Variants in MOXD1 observed in about 807,000 individuals in gnomAD.
MOXD1 encodes the protein DBH-like monooxygenase protein 1.
A neutral mutation model predicts 66.6 loss-of-function variants in MOXD1; 62 were observed. That is an observed-to-expected ratio of 0.93 (90% CI 0.76 to 1.15). The LOEUF is 1.15. MOXD1 is among the 50% of genes most tolerant of loss of function. The probability of loss-of-function intolerance (pLI) is 0.00; values close to 1 mark genes in which losing one functional copy is unlikely to be tolerated. For synonymous variants in MOXD1, 303 were observed against 281.9 expected (o/e 1.07, Z -0.75); for missense variants, 847 against 754.6 (o/e 1.12, Z -1.44).
chr6:132,395,939 T>C (rs1386791037), intron 1 of MOXD1, among the ~76,000 whole-genome samples: 1 of 152,142 alleles, frequency 6.6e-6, no homozygotes, highest in Non-Finnish European at 1.5e-5. Context: ...TCCAACACAG[T>C]AATAGGAACG....
intron 1 of MOXD1, among the ~76,000 whole-genome samples, chr6:132,393,151 A>AGTGTGT (rs60580838): frequency 2.9e-4 from 43 of 150,692 alleles, no homozygotes; most frequent in South Asian, 6.3e-4. Flanking sequence ...GAGTGGAGTG[A>AGTGTGT]GTGTGTGTGT....
chr6:132,396,012 G>T (rs752431213), intron 1 of MOXD1, among the ~76,000 whole-genome samples: 14 of 152,056 alleles, frequency 9.2e-5, no homozygotes, highest in Non-Finnish European at 1.9e-4. Context: ...AGAAACATTG[G>T]ATTTAAATTA....
At position 132,372,643 on chromosome 6, in the gene MOXD1, T is replaced by C; in HGVS notation, c.628A>G (p.Ile210Val). The part of the protein sequence containing the change: ...DTTYWCQMFK[I>V]PVFQEKHHVI... The stretch of plus-strand genomic sequence containing the variant: ...TGATGCTTTTCTTGGAACACAGGAA[T>C]CTTAAACATTTGGCACCAATATGTT... Residue 210 changes from isoleucine (I) to valine (V), a missense_variant, in exon 4 of 12, where the codon ATT (isoleucine) becomes GTT (valine). Physicochemically the swap from Ile to Val is conservative, Grantham distance 29. Transcript: ENST00000367963. The C allele has an allele frequency of 1.2e-6, 2 of 1,613,912 alleles. No individual in the cohort carries two copies. The highest frequency in any genetic ancestry group is 1.7e-6 in the Non-Finnish European group (2 of 1,179,842).
chr6:132,374,617 C>T lies in MOXD1; in HGVS notation c.411+14G>A. The T allele has an allele frequency of 6.2e-7, 1 of 1,612,912 alleles. No individual in the cohort carries two copies. Among genetic ancestry groups the T allele is most frequent in the Non-Finnish European group, 8.5e-7 (1 of 1,179,748 alleles). ...CAATTTGTTCATGCATGCATTCACTCATAGATGCCTTACCGTTATACTCTT... is the reference window on the plus strand; with the variant it reads ...CAATTTGTTCATGCATGCATTCACTTATAGATGCCTTACCGTTATACTCTT... On this transcript the variant is annotated intron_variant, in intron 2 of 11. Coordinates refer to ENST00000367963, the MANE Select transcript of MOXD1 (RefSeq NM_015529.4).
In MOXD1 at chr6:132,296,459, C is replaced by CT. The variant is rs1472408175; in HGVS notation, c.*693dup. 3 of 152,304 alleles carry CT rather than the reference C, an allele frequency of 2.0e-5. No individual in the cohort carries two copies. Among genetic ancestry groups the CT allele is most frequent in the African/African-American group, 7.2e-5 (3 of 41,564 alleles). 9.4% of individuals were successfully genotyped at this position (152,304 alleles called of 1,614,324 possible). ...TTTCTATGTTTCCCATAGCCTCTTT[C>CT]TTTTCAGATAGTGACAGAGCTCTAG... is the stretch of plus-strand genomic sequence containing the variant. On this transcript the variant is annotated 3_prime_UTR_variant, in exon 12 of 12. Coordinates refer to ENST00000367963, the MANE Select transcript of MOXD1 (RefSeq NM_015529.4).
chr6:132,328,008 C>T lies in MOXD1; in HGVS notation c.946+5G>A. ...ATAGGTAAAACATATGAATAATAAA[C>T]TCACCTTCCTCATAAGTGGGATTAT... On this transcript the variant is annotated splice_donor_5th_base_variant and intron_variant, in intron 6 of 11. Coordinates refer to ENST00000367963, the MANE Select transcript of MOXD1 (RefSeq NM_015529.4). 2 of 1,604,480 alleles carry T rather than the reference C, an allele frequency of 1.2e-6. No individual in the cohort carries two copies. Among genetic ancestry groups the T allele is most frequent in the Non-Finnish European group, 1.7e-6 (2 of 1,172,458 alleles).
At chr6:132,297,414 G>T in intron 11 of MOXD1, 97 bp from the exon 12 acceptor site, 2 of 1,275,002 alleles carry the variant, frequency 1.6e-6, no homozygotes, top group Non-Finnish European at 2.2e-6. Flanking sequence ...AGGGGATAAA[G>T]GGGGCAGGAG....
rs1289065943 is a variant in MOXD1, at chr6:132,322,625, A to G, written c.1305+54T>C. On this transcript the variant is annotated intron_variant, in intron 8 of 11. Coordinates refer to ENST00000367963, the MANE Select transcript of MOXD1 (RefSeq NM_015529.4). ...TAGAAACCTTGCCACATCTCAGCAG[A>G]TATGTCTCATGACTTTCATAACAGT... The G allele has an allele frequency of 7.1e-6, 11 of 1,546,574 alleles. No individual in the cohort carries two copies. In the South Asian group the frequency reaches 8.6e-5, roughly 12 times the overall value.
intron 1 of MOXD1, among the ~76,000 whole-genome samples, chr6:132,375,252 C>T (rs1424122970): frequency 2.0e-5 from 3 of 151,992 alleles, no homozygotes; most frequent in Admixed American, 6.6e-5. Flanking sequence ...TGGGCAAGTG[C>T]GGATTATAGG....
chr6:132,371,724 T>A (rs1380511664), intron 4 of MOXD1, among the ~76,000 whole-genome samples: 1 of 152,150 alleles, frequency 6.6e-6, no homozygotes, highest in Non-Finnish European at 1.5e-5. Context: ...GGACTTATGA[T>A]TCTCAAACCC....
chr6:132,304,883 T>C (rs1350412655), intron 10 of MOXD1, among the ~76,000 whole-genome samples: 1 of 152,204 alleles, frequency 6.6e-6, no homozygotes, highest in Non-Finnish European at 1.5e-5. Flanking sequence ...ACAGGAGTTC[T>C]TACACATCAC....
At chr6:132,363,674 T>G (rs947950062) in intron 4 of MOXD1, among the ~76,000 whole-genome samples, 4 of 152,192 alleles carry the variant, frequency 2.6e-5, no homozygotes, top group Non-Finnish European at 4.4e-5. Context: ...TGTCTCAGTG[T>G]GTTCATATGG....
At chr6:132,304,882 C>T (rs1281296590) in intron 10 of MOXD1, among the ~76,000 whole-genome samples, 1 of 152,154 alleles carries the variant, frequency 6.6e-6, no homozygotes, top group Non-Finnish European at 1.5e-5. Context: ...AACAGGAGTT[C>T]TTACACATCA....
intron 10 of MOXD1, among the ~76,000 whole-genome samples, chr6:132,314,667 A>G (rs1213862806): frequency 2.6e-5 from 4 of 151,820 alleles, no homozygotes; most frequent in African/African-American, 9.7e-5. Context: ...GCATATCTCT[A>G]TAGCTGGCTC....
intron 4 of MOXD1, among the ~76,000 whole-genome samples, chr6:132,358,422 T>C (rs1775949619): frequency 6.6e-6 from 1 of 152,170 alleles, no homozygotes; most frequent in Non-Finnish European, 1.5e-5. Context: ...AGAGATGACA[T>C]TACATTTTTC....
At chr6:132,369,767 G>C (rs1776227564) in intron 4 of MOXD1, among the ~76,000 whole-genome samples, 1 of 152,038 alleles carries the variant, frequency 6.6e-6, no homozygotes, top group African/African-American at 2.4e-5. Flanking sequence ...CTGGAATGAA[G>C]CAGGACAGTG....
chr6:132,298,479 A>G (rs926473348), intron 10 of MOXD1, among the ~76,000 whole-genome samples: 2 of 152,166 alleles, frequency 1.3e-5, no homozygotes, highest in African/African-American at 4.8e-5. Context: ...GGTTCCTAAA[A>G]GATACTGTGA....
At chr6:132,397,708 G>C (rs1257587482) in intron 1 of MOXD1, among the ~76,000 whole-genome samples, 1 of 147,434 alleles carries the variant, frequency 6.8e-6, no homozygotes, top group Non-Finnish European at 1.5e-5. Context: ...GAAAAAGAAA[G>C]AGTAAAGAGA....
intron 4 of MOXD1, among the ~76,000 whole-genome samples, chr6:132,333,962 T>C (rs975050476): frequency 3.3e-5 from 5 of 152,206 alleles, no homozygotes; most frequent in African/African-American, 1.2e-4. Flanking sequence ...ACTTGAGATA[T>C]CTTAGCAAGA....
Sources: allele counts gnomAD v4.1 joint callset (sites outside exome capture counted in the v4.1 genomes callset), GRCh38; gene constraint gnomAD v4.1.1; transcripts MANE v1.5; gene names NCBI Gene and HGNC (gene_info 2026-07-23, HGNC 2026-07-21).